Variants in SHANK2 observed in about 807,000 individuals in gnomAD.
SHANK2 encodes the protein SH3 and multiple ankyrin repeat domains 2.
In SHANK2, 43 loss-of-function variants were observed where a neutral mutation model predicts 133.7. The ratio of observed to expected loss-of-function variants is 0.32; its 90% CI spans 0.25 to 0.41. The LOEUF is 0.41. Among genes scored for constraint, SHANK2 ranks in the 10% least tolerant of loss-of-function variants. The pLI is 1.00. For missense variants in SHANK2, 1,994 were observed against 2,235.8 expected (o/e 0.89, Z 2.18); for synonymous variants, 1,017 against 952.8 (o/e 1.07, Z -1.24).
chr11:70,661,647 G>A lies in SHANK2; in HGVS notation c.1885C>T (p.Leu629=), dbSNP rs1555013340. The A allele has an allele frequency of 6.2e-7, 1 of 1,613,734 alleles. No homozygotes were observed. Among genetic ancestry groups the A allele is most frequent in the Non-Finnish European group, 8.5e-7 (1 of 1,180,012 alleles). ...DCIIEEKTVV[L]QKKDNEGFGF... ...AAGCCCTCATTGTCTTTTTTCTGCA[G>A]GACCACCGTCTTCTCCTCAATAATG... Residue 629 remains leucine (L), a synonymous_variant, in exon 16 of 26, where the codon CTG becomes TTG. Coordinates refer to ENST00000601538, the MANE Select transcript of SHANK2 (RefSeq NM_012309.5).
chr11:70,643,428 G>A (rs1336816917), intron 17 of SHANK2, among the ~76,000 whole-genome samples: 1 of 152,082 alleles, frequency 6.6e-6, no homozygotes, highest in African/African-American at 2.4e-5. Context: ...GCCGGGCGTG[G>A]TGGCAGGTGC....
Position 70,472,872 on chromosome 11 carries a change from T to C in SHANK2, c.5547A>G (p.Arg1849=), listed in dbSNP as rs1472161719. ...IERALKQLLD[R] ...GCGAGGTGGAGAGCAGCCGTCCTTATCTGTCCAGCAGCTGTTTCAAAGCCC... is the reference window on the plus strand; with the variant it reads ...GCGAGGTGGAGAGCAGCCGTCCTTACCTGTCCAGCAGCTGTTTCAAAGCCC... Residue 1849 remains arginine, a synonymous_variant, in exon 26 of 26, where the codon AGA becomes AGG. Transcript: ENST00000601538. The surrounding 1 kb of genome is among the most constrained non-coding windows in gnomAD (Gnocchi z 4.4). 3 of 1,614,194 alleles carry C rather than the reference T, an allele frequency of 1.9e-6. No individual in the cohort carries two copies. The highest frequency in any genetic ancestry group is 2.5e-6 in the Non-Finnish European group (3 of 1,180,018).
At chr11:70,644,591 C>G (rs1591696497) in intron 17 of SHANK2, among the ~76,000 whole-genome samples, 1 of 152,334 alleles carries the variant, frequency 6.6e-6, no homozygotes, top group East Asian at 1.9e-4. Flanking sequence ...TGGCAGCTCC[C>G]GCCTGCTGCA....
At chr11:70,585,865 A>T (rs1283601994) in intron 17 of SHANK2, among the ~76,000 whole-genome samples, 1 of 103,458 alleles carries the variant, frequency 9.7e-6, no homozygotes, top group Non-Finnish European at 1.8e-5. Flanking sequence ...TGTCCATCCA[A>T]TTAGCCATCC....
chr11:70,640,591 C>T lies in SHANK2; in HGVS notation c.2061+19237G>A, dbSNP rs1002974359. On this transcript the variant is annotated intron_variant, in intron 17 of 25. Coordinates refer to ENST00000601538, the MANE Select transcript of SHANK2 (RefSeq NM_012309.5). ...CAGCTATGCTTCAGAGAGGACTGCACGAAGCTGAGGCCCGAGCCCTGACCT... is the reference window on the plus strand; with the variant it reads ...CAGCTATGCTTCAGAGAGGACTGCATGAAGCTGAGGCCCGAGCCCTGACCT... Among the ~76,000 whole-genome samples the T allele has an allele frequency of 8.5e-5, 13 of 152,340 alleles. No homozygotes were observed. The South Asian group carries it at 1.0e-3, about 12-fold the overall frequency.
At chr11:71,161,392 C>A (rs1178228186) in intron 2 of SHANK2, among the ~76,000 whole-genome samples, 2 of 152,036 alleles carry the variant, frequency 1.3e-5, no homozygotes, top group Non-Finnish European at 2.9e-5. Context: ...ATAGAGAATC[C>A]CCTTCCCTTT....
intron 17 of SHANK2, among the ~76,000 whole-genome samples, chr11:70,557,143 A>T (rs1391774611): frequency 9.5e-5 from 12 of 125,720 alleles, no homozygotes; most frequent in Admixed American, 3.7e-4. Flanking sequence ...GCATTGCACT[A>T]AAAGCCTCAT....
rs59204748 is a variant in SHANK2 at position 70,658,464 on chromosome 11, T to G, written c.2061+1364A>C. On this transcript the variant is annotated intron_variant, in intron 17 of 25. Coordinates refer to ENST00000601538, the MANE Select transcript of SHANK2 (RefSeq NM_012309.5). ...GTCATTCTGGTGGTGCACCCGACAG[T>G]TTCAACACACAAGAACCCAAATAAG... 8.5e-3 allele frequency among the ~76,000 whole-genome samples: 1,295 copies of G among 152,196 alleles called. 27 individuals carry two copies. Among genetic ancestry groups the G allele is most frequent in the African/African-American group, 0.03 (1,246 of 41,502 alleles).
At chr11:70,763,110 G>A (rs1394404333) in intron 14 of SHANK2, among the ~76,000 whole-genome samples, 1 of 152,200 alleles carries the variant, frequency 6.6e-6, no homozygotes, top group African/African-American at 2.4e-5. Flanking sequence ...TTGGCTGTGC[G>A]ACCTGGAACA....
intron 5 of SHANK2, among the ~76,000 whole-genome samples, chr11:71,112,134 C>T (rs1434404688): frequency 6.6e-6 from 1 of 152,246 alleles, no homozygotes; most frequent in Non-Finnish European, 1.5e-5. Flanking sequence ...TGGCTCACGC[C>T]TGTAATCCCA....
Position 70,681,484 on chromosome 11 carries a change from G to A in SHANK2, c.1853+17204C>T, listed in dbSNP as rs377752329. Reference sequence around the variant, plus strand: ...CCCCTGGGGTATCTCCTCAAAGGCCGAAAGGTGCACATCCACCACATCCAC... The same window carrying A: ...CCCCTGGGGTATCTCCTCAAAGGCCAAAAGGTGCACATCCACCACATCCAC... On this transcript the variant is annotated intron_variant, in intron 15 of 25. Transcript: ENST00000601538. Among the ~76,000 whole-genome samples, 34 of 152,208 alleles carry A rather than the reference G, an allele frequency of 2.2e-4. No homozygotes were observed. In the East Asian group the frequency reaches 2.7e-3, roughly 12 times the overall value.
intron 2 of SHANK2, among the ~76,000 whole-genome samples, chr11:71,193,609 C>G (rs1555115785): frequency 6.6e-6 from 1 of 152,198 alleles, no homozygotes; most frequent in African/African-American, 2.4e-5. Context: ...GTGCCCCTAG[C>G]CACTGCCTGC....
rs149565116 is a variant in SHANK2 at position 71,234,437 on chromosome 11, T to C, written c.-112-9641A>G. 1.8e-4 allele frequency among the ~76,000 whole-genome samples: 28 copies of C among 152,164 alleles called. 1 individual carries two copies. The East Asian group carries it at 5.4e-3, about 29-fold the overall frequency. ...ATGTTAGCCTGCAGATGCACCTCTA[T>C]TTTTGGAGGTGCTCATCACTCTTAC... On this transcript the variant is annotated intron_variant, in intron 1 of 25. Coordinates refer to ENST00000601538, the MANE Select transcript of SHANK2 (RefSeq NM_012309.5).
intron 14 of SHANK2, among the ~76,000 whole-genome samples, chr11:70,754,302 G>T (rs1312532606): frequency 6.6e-6 from 1 of 152,166 alleles, no homozygotes; most frequent in East Asian, 1.9e-4. Context: ...ACCAGACAAA[G>T]ACAGCATAAG....
chr11:70,885,291 G>C (rs988754164), intron 11 of SHANK2, among the ~76,000 whole-genome samples: 1 of 152,184 alleles, frequency 6.6e-6, no homozygotes. Flanking sequence ...AGTGGGAAAG[G>C]CTCTTCTCTA....
chr11:70,711,093 C>T (rs949551232), intron 14 of SHANK2, among the ~76,000 whole-genome samples: 2 of 152,168 alleles, frequency 1.3e-5, no homozygotes, highest in Admixed American at 6.5e-5. Context: ...CCTCTCTGAA[C>T]TCTCACTCTT....
chr11:71,139,431 A>G (rs1325232282), intron 3 of SHANK2, among the ~76,000 whole-genome samples: 5 of 152,148 alleles, frequency 3.3e-5, no homozygotes, highest in Non-Finnish European at 7.4e-5. Flanking sequence ...GCAGCACAGC[A>G]ACATGGCACA....
chr11:71,197,787 A>T (rs1189201569), intron 2 of SHANK2, among the ~76,000 whole-genome samples: 1 of 152,184 alleles, frequency 6.6e-6, no homozygotes, highest in African/African-American at 2.4e-5. Flanking sequence ...AGTAGCTGGG[A>T]CTACACTGGC....
chr11:70,507,063 TTTCA>T (rs1430734222), intron 17 of SHANK2, among the ~76,000 whole-genome samples: 2 of 152,220 alleles, frequency 1.3e-5, no homozygotes, highest in Non-Finnish European at 2.9e-5. Flanking sequence ...GAATTTCAGT[TTTCA>T]TTGAAAAATT....
Sources: gnomAD v4.1 joint callset for allele counts (sites outside exome capture counted in the v4.1 genomes callset) on GRCh38, gnomAD v4.1.1 for gene constraint, Gnocchi (gnomAD v3.1) non-coding constraint, MANE v1.5 for transcripts, NCBI Gene and HGNC (gene_info 2026-07-23, HGNC 2026-07-21) for gene names.